FBXO10: variants seen among roughly 807,000 people sequenced by gnomAD.
FBXO10 encodes the protein F-box protein 10, also known as F-box only protein 10.
Under a neutral mutation model 80.7 loss-of-function variants are expected in FBXO10, and 39 were observed. That is an observed-to-expected ratio of 0.48 (90% CI 0.37 to 0.63). FBXO10 has a LOEUF of 0.63. FBXO10 is among the 30% of genes least tolerant of loss of function. The probability of loss-of-function intolerance (pLI) is 0.00; values close to 1 mark genes in which losing one functional copy is unlikely to be tolerated. For missense variants in FBXO10, 1,025 were observed against 1,269.0 expected (o/e 0.81, Z 2.92); for synonymous variants, 449 against 489.6 (o/e 0.92, Z 1.09).
rs1043843528 is a variant in FBXO10 at position 37,562,465 on chromosome 9, G to A, written c.-7+13746C>T. Among the ~76,000 whole-genome samples the A allele has an allele frequency of 9.9e-5, 15 of 152,208 alleles. 1 individual carries two copies. Among genetic ancestry groups the A allele is most frequent in the Admixed American group, 3.3e-4 (5 of 15,288 alleles). ...CACACCTGTGGACCCAGAGCGCCAGGTGACAGAGCCTGGGCACCTCTAGGA... is the reference window on the plus strand; with the variant it reads ...CACACCTGTGGACCCAGAGCGCCAGATGACAGAGCCTGGGCACCTCTAGGA... On this transcript the variant is annotated intron_variant, in intron 1 of 10. Coordinates refer to ENST00000432825, the MANE Select transcript of FBXO10 (RefSeq NM_012166.3).
rs779620989 is a variant in FBXO10, at chr9:37,516,010, C to T, written c.2590G>A (p.Glu864Lys). The T allele has an allele frequency of 6.2e-7, 1 of 1,614,042 alleles. No homozygotes were observed. The highest frequency in any genetic ancestry group is 8.5e-7 in the Non-Finnish European group (1 of 1,179,900). The change falls in exon 10 of 11, where the codon GAA (glutamate) becomes AAA (lysine). Residue 864 changes from glutamate to lysine, a missense_variant. By Grantham distance (56) the Glu-to-Lys change is moderately conservative (BLOSUM62 1). Transcript: ENST00000432825. ...VRGRAKALVQ[E>K]NIIFQGKTSK... ...GTTTTGCCCTGGAAGATGATGTTTT[C>T]CTGCACCAGGGCCTTGGCACGGCCC... is the stretch of plus-strand genomic sequence containing the variant.
intron 1 of FBXO10, among the ~76,000 whole-genome samples, chr9:37,546,611 T>A (rs976291023): frequency 2.0e-5 from 3 of 152,218 alleles, no homozygotes; most frequent in Non-Finnish European, 4.4e-5. Context: ...AAGTTGCTGA[T>A]AGTTTAATAA....
At chr9:37,515,846 T>G in intron 10 of FBXO10, 58 bp downstream of exon 10, 3 of 1,557,236 alleles carry the variant, frequency 1.9e-6, no homozygotes, top group Non-Finnish European at 2.6e-6. Context: ...GGGCCTGGCT[T>G]CTTCAGGGAG....
Position 37,541,486 on chromosome 9 carries a change from A to G in FBXO10, c.283T>C (p.Ser95Pro). 6.2e-7 allele frequency: 1 copy of G among 1,614,030 alleles called. No individual in the cohort carries two copies. Among genetic ancestry groups the G allele is most frequent in the Non-Finnish European group, 8.5e-7 (1 of 1,179,892 alleles). ...WTKNALDLES[S>P]ICFSLFRRRR... ...CGGCGGAATAGAGAAAAGCAGATGG[A>G]AGACTCCAAGTCCAAGGCATTCTTG... Residue 95 changes from serine (S) to proline (P), a missense_variant, in exon 2 of 11, where the codon TCC becomes CCC. Around this residue, in one of 3 missense-constraint regions of FBXO10, gnomAD observed 450 missense variants for 499.4 expected, o/e 0.90. Coordinates refer to ENST00000432825, the MANE Select transcript of FBXO10 (RefSeq NM_012166.3).
intron 1 of FBXO10, among the ~76,000 whole-genome samples, chr9:37,551,788 G>T (rs1401848593): frequency 1.3e-5 from 2 of 152,114 alleles, no homozygotes; most frequent in Non-Finnish European, 2.9e-5. Context: ...AGAACTGAGA[G>T]TTTTTCAAAT....
rs572596289 is a variant in FBXO10, at chr9:37,537,194, G to A, written c.1335C>T (p.Phe445=). Residue 445 remains phenylalanine (F), a synonymous_variant, in exon 3 of 11, where the codon TTC becomes TTT. Transcript: ENST00000432825. ...TCTTGGCTCTGCCGTGGGAGCAGACGAAGACGCCTCCCTTCCCGTCCCGGA... is the reference window on the plus strand; with the variant it reads ...TCTTGGCTCTGCCGTGGGAGCAGACAAAGACGCCTCCCTTCCCGTCCCGGA... ...CLFRDGKGGV[F]VCSHGRAKME... 14 of 1,613,920 alleles carry A rather than the reference G, an allele frequency of 8.7e-6. No individual in the cohort carries two copies. The highest frequency in any genetic ancestry group is 2.2e-5 in the South Asian group (2 of 91,088).
intron 1 of FBXO10, among the ~76,000 whole-genome samples, chr9:37,567,000 G>A (rs1164388521): frequency 2.6e-5 from 4 of 152,158 alleles, no homozygotes; most frequent in Admixed American, 1.3e-4. Context: ...GGAGACAGAA[G>A]GGGAGTTGCA....
At chr9:37,553,537 CTTCT>C (rs893831630) in intron 1 of FBXO10, among the ~76,000 whole-genome samples, 21 of 152,208 alleles carry the variant, frequency 1.4e-4, no homozygotes, top group Middle Eastern at 3.4e-3. Flanking sequence ...AGCATAACAG[CTTCT>C]TTCTTTAAGA....
chr9:37,570,744 C>T (rs1465744776), intron 1 of FBXO10, among the ~76,000 whole-genome samples: 1 of 152,114 alleles, frequency 6.6e-6, no homozygotes, highest in Non-Finnish European at 1.5e-5. Flanking sequence ...CCTGTAATCC[C>T]AGCACTTTGG....
At chr9:37,515,394 G>A (rs1821156503) in intron 10 of FBXO10, 2 of 152,740 alleles carry the variant, frequency 1.3e-5, no homozygotes, top group Admixed American at 1.3e-4. Flanking sequence ...TTCGGATTAG[G>A]GAGAAAAAGG....
rs868211903 is a variant in FBXO10, at chr9:37,576,355, A to G, written c.-151T>C. On this transcript the variant is annotated 5_prime_UTR_variant, in exon 1 of 11. Coordinates refer to ENST00000432825, the MANE Select transcript of FBXO10 (RefSeq NM_012166.3). Reference sequence around the variant, plus strand: ...CCCGGGGGCGGACAGCTGCCTGGGGATCGTGCGGAGCCGCCGCCGTCATGT... The same window carrying G: ...CCCGGGGGCGGACAGCTGCCTGGGGGTCGTGCGGAGCCGCCGCCGTCATGT... The G allele has an allele frequency of 2.5e-3, 373 of 146,670 alleles. 1 individual carries two copies. Among genetic ancestry groups the G allele is most frequent in the African/African-American group, 9.3e-3 (359 of 38,420 alleles). The allele number at this position is 146,670 out of a possible 1,614,324, so 9.1% of individuals were successfully genotyped here.
At chr9:37,541,921 C>T in intron 1 of FBXO10, 147 bp from the exon 2 acceptor site, 1 of 672,450 alleles carries the variant, frequency 1.5e-6, no homozygotes, top group Non-Finnish European at 2.4e-6. Context: ...CCTCCACCTC[C>T]CAGATTCAAG....
intron 4 of FBXO10, 56 bp from the exon 5 acceptor site, chr9:37,529,316 A>C (rs1489374175): frequency 1.9e-6 from 3 of 1,563,084 alleles, no homozygotes; most frequent in Non-Finnish European, 1.7e-6. Flanking sequence ...AGCGAAGCAG[A>C]GTGCCCAGGT....
intron 1 of FBXO10, among the ~76,000 whole-genome samples, chr9:37,551,867 TA>T (rs1184386730): frequency 6.6e-6 from 1 of 152,266 alleles, no homozygotes; most frequent in Non-Finnish European, 1.5e-5. Context: ...CATTTTACTA[TA>T]AGCAGTTAGA....
At chr9:37,530,468 C>T (rs541498134) in intron 4 of FBXO10, among the ~76,000 whole-genome samples, 21 of 152,320 alleles carry the variant, frequency 1.4e-4, no homozygotes, top group Middle Eastern at 6.8e-3. Context: ...ACCTGCTATC[C>T]CTCTGTCCTC....
At chr9:37,527,419 C>T (rs531309065) in intron 5 of FBXO10, among the ~76,000 whole-genome samples, 1 of 152,324 alleles carries the variant, frequency 6.6e-6, no homozygotes, top group Admixed American at 6.5e-5. Flanking sequence ...TTTGCACTAT[C>T]CCTCTGGTAT....
At chr9:37,564,188 A>C (rs1008784995) in intron 1 of FBXO10, among the ~76,000 whole-genome samples, 15 of 152,378 alleles carry the variant, frequency 9.8e-5, no homozygotes, top group African/African-American at 3.6e-4. Context: ...GCTTCCACAT[A>C]GTGTTGAGCC....
At chr9:37,564,116 A>G (rs1460702517) in intron 1 of FBXO10, among the ~76,000 whole-genome samples, 2 of 152,252 alleles carry the variant, frequency 1.3e-5, no homozygotes, top group African/African-American at 2.4e-5. Flanking sequence ...AGCAGTGGCT[A>G]AAAGGGGCCA....
intron 1 of FBXO10, among the ~76,000 whole-genome samples, chr9:37,558,375 C>T (rs922504989): frequency 1.3e-5 from 2 of 152,188 alleles, no homozygotes; most frequent in South Asian, 2.1e-4. Flanking sequence ...CTCATAAATG[C>T]ATCTCTGCTT....
Sources: allele counts gnomAD v4.1 joint callset (sites outside exome capture counted in the v4.1 genomes callset), GRCh38; gene constraint gnomAD v4.1.1; regional missense constraint gnomAD v4.1.1; transcripts MANE v1.5; gene names NCBI Gene and HGNC (gene_info 2026-07-23, HGNC 2026-07-21).